RELL1: variants seen among roughly 807,000 people sequenced by gnomAD.
The protein encoded by RELL1 is RELT-like protein 1.
Under a neutral mutation model 23.0 loss-of-function variants are expected in RELL1, and 10 were observed. The observed-to-expected ratio is 0.43, with a 90% CI of 0.27 to 0.74. RELL1 has a LOEUF of 0.74. RELL1 is among the 30% of genes least tolerant of loss of function. RELL1 has a pLI of 0.19. For missense variants in RELL1, 315 were observed against 364.4 expected (o/e 0.86, Z 1.10); for synonymous variants, 146 against 146.8 (o/e 0.99, Z 0.04).
intron 3 of RELL1, among the ~76,000 whole-genome samples, chr4:37,645,224 G>C (rs1472830717): frequency 6.6e-6 from 1 of 152,136 alleles, no homozygotes; most frequent in Admixed American, 6.5e-5. Context: ...TTAGAAGCCC[G>C]GGTCCCAAAG....
At chr4:37,667,293 G>T (rs1401472343) in intron 1 of RELL1, among the ~76,000 whole-genome samples, 1 of 151,634 alleles carries the variant, frequency 6.6e-6, no homozygotes, top group Non-Finnish European at 1.5e-5. Context: ...GCATTTTTCA[G>T]ATATTAACTC....
intron 1 of RELL1, among the ~76,000 whole-genome samples, chr4:37,680,312 G>C (rs1195781401): frequency 2.0e-5 from 3 of 152,162 alleles, no homozygotes; most frequent in Non-Finnish European, 2.9e-5. Flanking sequence ...TCAAAAATGT[G>C]AACATCTTTG....
rs576914961 is a variant in RELL1, at chr4:37,669,409, G to A, written c.88+16791C>T. On this transcript the variant is annotated intron_variant, in intron 1 of 6. Coordinates refer to ENST00000454158, the MANE Select transcript of RELL1 (RefSeq NM_001085400.2). ...CAGCCGCCCCGTCCGGGAGGGAGGT[G>A]GGGGGGTCAGCCCCCCACCCGGCCA... 1.3e-4 allele frequency among the ~76,000 whole-genome samples: 19 copies of A among 144,524 alleles called. No homozygotes were observed. In the East Asian group the frequency reaches 3.2e-3, roughly 24 times the overall value. The allele number at this position is 144,524 out of a possible 152,430, so 94.8% of individuals were successfully genotyped here. A position where few individuals can be genotyped will look rare whatever the true frequency, so the allele number is the denominator to read the frequency against.
intron 1 of RELL1, among the ~76,000 whole-genome samples, chr4:37,668,890 CGT>C: frequency 6.6e-6 from 1 of 150,546 alleles, no homozygotes; most frequent in Non-Finnish European, 1.5e-5. Flanking sequence ...ATGTGAGGAG[CGT>C]CTCTGCCCGG....
intron 6 of RELL1, among the ~76,000 whole-genome samples, chr4:37,592,353 G>GGAAAA (rs35282918): frequency 9.2e-6 from 1 of 108,196 alleles, no homozygotes; most frequent in Admixed American, 9.7e-5. Flanking sequence ...CCATCTCTAT[G>GGAAAA]AAAAAAAAAA....
At chr4:37,643,445 A>T (rs910378155) in intron 3 of RELL1, among the ~76,000 whole-genome samples, 7 of 152,270 alleles carry the variant, frequency 4.6e-5, no homozygotes, top group African/African-American at 1.7e-4. Flanking sequence ...AATGCGAAGC[A>T]GAAACCATTC....
In RELL1 at chr4:37,686,341, G is replaced by A; in HGVS notation, c.-54C>T. 1.5e-6 allele frequency: 2 copies of A among 1,358,516 alleles called. No homozygotes were observed. Among genetic ancestry groups the A allele is most frequent in the Non-Finnish European group, 1.9e-6 (2 of 1,033,694 alleles). The allele number at this position is 1,358,516 out of a possible 1,614,324, so 84.2% of individuals were successfully genotyped here. A position where few individuals can be genotyped will look rare whatever the true frequency, so the allele number is the denominator to read the frequency against. On this transcript the variant is annotated 5_prime_UTR_variant, in exon 1 of 7. Transcript: ENST00000454158. ...GGGCGCCGCGTCCCGCGCTCGGGAA[G>A]GCAGAGCCGCTCCGGAGCCGGCGGG... is the stretch of plus-strand genomic sequence containing the variant.
intron 2 of RELL1, among the ~76,000 whole-genome samples, chr4:37,647,945 T>G (rs1484001284): frequency 6.6e-6 from 1 of 152,142 alleles, no homozygotes; most frequent in Non-Finnish European, 1.5e-5. Flanking sequence ...TGGTTATGTG[T>G]CCACAAACTC....
downstream of RELL1, among the ~76,000 whole-genome samples, chr4:37,605,793 GAGAAAGAAAGAAAGAAAGAA>G (rs771797298): frequency 4.4e-5 from 4 of 90,396 alleles, no homozygotes; most frequent in South Asian, 3.9e-4. Context: ...GAGAAAGAAA[GAGAAAGAAAGAAAGAAAGAA>G]AGAAAGAAAG....
intron 1 of RELL1, among the ~76,000 whole-genome samples, chr4:37,669,235 G>A (rs1721690481): frequency 7.5e-6 from 1 of 133,604 alleles, no homozygotes; most frequent in South Asian, 2.2e-4. Flanking sequence ...GGAGGGAGGT[G>A]GGGGTCAGCC....
chr4:37,640,953 A>T (rs1437985729), intron 3 of RELL1, among the ~76,000 whole-genome samples: 1 of 152,262 alleles, frequency 6.6e-6, no homozygotes, highest in Non-Finnish European at 1.5e-5. Flanking sequence ...CAGCACATAC[A>T]GGAGTGAGCT....
At chr4:37,680,891 C>G (rs1425144554) in intron 1 of RELL1, among the ~76,000 whole-genome samples, 3 of 148,244 alleles carry the variant, frequency 2.0e-5, no homozygotes, top group African/African-American at 5.0e-5. Context: ...GAGATCGCGC[C>G]GCTGCACTCC....
chr4:37,599,865 A>G (rs1718969966), intron 6 of RELL1, among the ~76,000 whole-genome samples: 1 of 152,128 alleles, frequency 6.6e-6, no homozygotes, highest in Non-Finnish European at 1.5e-5. Flanking sequence ...CCTCAGTTTC[A>G]TCATCTGTAT....
intron 6 of RELL1, among the ~76,000 whole-genome samples, chr4:37,596,444 C>T (rs1382235873): frequency 2.6e-5 from 1 of 38,314 alleles, no homozygotes; most frequent in African/African-American, 1.2e-4. Context: ...CAGGGATTGC[C>T]ACACCTTTTT....
At chr4:37,590,988 T>A in exon 7 of RELL1, 1 of 1,609,616 alleles carries the variant, frequency 6.2e-7, no homozygotes, top group Non-Finnish European at 8.5e-7. Flanking sequence ...AAGATTTGGA[T>A]GAGACTGATT....
chr4:37,643,793 C>T (rs528398489), intron 3 of RELL1, among the ~76,000 whole-genome samples: 249 of 152,274 alleles, frequency 1.6e-3, no homozygotes, highest in Admixed American at 3.1e-3. Context: ...AGGTTATAAA[C>T]TGGTAAGAGA....
At chr4:37,590,394 C>A, downstream of RELL1, 1 of 1,613,754 alleles carries the variant, frequency 6.2e-7, no homozygotes, top group Non-Finnish European at 8.5e-7. Context: ...CTGGGAATTC[C>A]AGCCCCACCC....
At chr4:37,640,726 T>C (rs1225211651) in intron 3 of RELL1, among the ~76,000 whole-genome samples, 2 of 151,232 alleles carry the variant, frequency 1.3e-5, no homozygotes, top group Non-Finnish European at 2.9e-5. Context: ...TCTGCACATG[T>C]CCAGAAGGAT....
rs1200874047 is a variant in RELL1 at position 37,643,502 on chromosome 4, G to C, written c.385+3866C>G. 2.6e-5 allele frequency among the ~76,000 whole-genome samples: 4 copies of C among 152,242 alleles called. No homozygotes were observed. In the East Asian group the frequency reaches 7.7e-4, roughly 29 times the overall value. On this transcript the variant is annotated intron_variant, in intron 3 of 6. Coordinates refer to ENST00000454158, the MANE Select transcript of RELL1 (RefSeq NM_001085400.2). Reference sequence around the variant, plus strand: ...TTACGGATGCATGAATCCAGGAAAAGAAAACCTAAACACACGTGGGAAAAG... The same window carrying C: ...TTACGGATGCATGAATCCAGGAAAACAAAACCTAAACACACGTGGGAAAAG...
Sources: allele counts gnomAD v4.1 joint callset (sites outside exome capture counted in the v4.1 genomes callset), GRCh38; gene constraint gnomAD v4.1.1; transcripts MANE v1.5; gene names NCBI Gene and HGNC (gene_info 2026-07-23, HGNC 2026-07-21).